Variants in CIMAP1D observed in about 807,000 individuals in gnomAD.
CIMAP1D encodes the protein protein CIMAP1D.
chr19:480,491 T>TGATGGG, the CIMAP1D span, among the ~76,000 whole-genome samples: 5 of 71,136 alleles, frequency 7.0e-5, no homozygotes, highest in East Asian at 1.7e-3. Flanking sequence ...AGGATGATGG[T>TGATGGG]AAGGATGATG....
chr19:474,876 C>A, the CIMAP1D span: 19 of 732,752 alleles, frequency 2.6e-5, no homozygotes, highest in Middle Eastern at 4.4e-4. Flanking sequence ...CTCCCACGAC[C>A]ACAGCCGCAC....
chr19:491,578 A>G, the CIMAP1D span, among the ~76,000 whole-genome samples: 3 of 151,998 alleles, frequency 2.0e-5, no homozygotes, highest in East Asian at 3.9e-4. Flanking sequence ...AAGGCGTCAG[A>G]GCAGCTGACC....
chr19:481,510 T>TGAG, the CIMAP1D span, among the ~76,000 whole-genome samples: 1 of 80,206 alleles, frequency 1.2e-5, no homozygotes. Flanking sequence ...GGAAGGATGA[T>TGAG]GGGGAAGGAT....
the CIMAP1D span, among the ~76,000 whole-genome samples, chr19:474,208 C>T: frequency 1.3e-5 from 2 of 152,198 alleles, no homozygotes; most frequent in African/African-American, 2.4e-5. Flanking sequence ...GGGCCCTCAC[C>T]GAGGCCAGCA....
chr19:480,451 AGGGGAGGATGAT>A, the CIMAP1D span, among the ~76,000 whole-genome samples: 5,042 of 115,398 alleles, frequency 0.044, 782 homozygotes, highest in African/African-American at 0.13. Flanking sequence ...GAAGGATGAT[AGGGGAGGATGAT>A]GGGAAGGATG....
At chr19:485,114 G>A in the CIMAP1D span, among the ~76,000 whole-genome samples, 1 of 151,906 alleles carries the variant, frequency 6.6e-6, no homozygotes, top group Non-Finnish European at 1.5e-5. Flanking sequence ...TCCTGGAAGG[G>A]CGGGTGCAAC....
the CIMAP1D span, among the ~76,000 whole-genome samples, chr19:481,120 T>G: frequency 2.0e-5 from 1 of 49,054 alleles, no homozygotes. Context: ...GGAGAAGGAA[T>G]GTGGGAAGGA....
the CIMAP1D span, among the ~76,000 whole-genome samples, chr19:480,334 C>T: frequency 2.6e-4 from 40 of 152,318 alleles, 1 homozygote; most frequent in African/African-American, 9.4e-4. Context: ...GGACGCGTCC[C>T]AATCAGAGCT....
the CIMAP1D span, among the ~76,000 whole-genome samples, chr19:481,696 A>G: frequency 6.6e-6 from 1 of 152,052 alleles, no homozygotes; most frequent in African/African-American, 2.4e-5. Context: ...CATCTTCACC[A>G]AGCTCATGGT....
At chr19:490,557 A>T in the CIMAP1D span, among the ~76,000 whole-genome samples, 1 of 152,230 alleles carries the variant, frequency 6.6e-6, no homozygotes, top group Non-Finnish European at 1.5e-5. Context: ...GAAATATTCA[A>T]CCTGCACTTC....
chr19:464,141 G>A, the CIMAP1D span: 777 of 484,692 alleles, frequency 1.6e-3, 6 homozygotes, highest in East Asian at 0.033. Flanking sequence ...GGGGGCGGGC[G>A]GGGGGGGTGC....
At chr19:469,066 C>T in the CIMAP1D span, among the ~76,000 whole-genome samples, 2 of 152,306 alleles carry the variant, frequency 1.3e-5, no homozygotes, top group Non-Finnish European at 1.5e-5. Context: ...TGGTCCCCAA[C>T]GCAGGCTCAC....
the CIMAP1D span, among the ~76,000 whole-genome samples, chr19:479,167 C>T: frequency 9.9e-5 from 15 of 152,224 alleles, 1 homozygote; most frequent in Admixed American, 9.2e-4. Flanking sequence ...CTGCGTCTGC[C>T]GTGCAGAAGG....
the CIMAP1D span, among the ~76,000 whole-genome samples, chr19:477,299 C>T: frequency 6.6e-6 from 1 of 152,214 alleles, no homozygotes; most frequent in Admixed American, 6.5e-5. Flanking sequence ...CTTGGCCGGG[C>T]ACTGTGGCTC....
the CIMAP1D span, among the ~76,000 whole-genome samples, chr19:474,208 C>A: frequency 3.2e-4 from 49 of 152,316 alleles, no homozygotes; most frequent in African/African-American, 1.2e-3. Context: ...GGGCCCTCAC[C>A]GAGGCCAGCA....
chr19:483,850 T>A, the CIMAP1D span, among the ~76,000 whole-genome samples: 1 of 152,086 alleles, frequency 6.6e-6, no homozygotes, highest in South Asian at 2.1e-4. Flanking sequence ...TCCCTCTACC[T>A]GTCAGCCGCC....
At chr19:467,367 G>A in the CIMAP1D span, among the ~76,000 whole-genome samples, 2 of 151,958 alleles carry the variant, frequency 1.3e-5, no homozygotes, top group African/African-American at 4.8e-5. Flanking sequence ...ATTTGCCACA[G>A]TCCCCATTCA....
the CIMAP1D span, among the ~76,000 whole-genome samples, chr19:470,000 G>A: frequency 6.6e-6 from 1 of 152,058 alleles, no homozygotes; most frequent in Non-Finnish European, 1.5e-5. Context: ...CTGGAGTTCA[G>A]TTCTTCTGGG....
the CIMAP1D span, among the ~76,000 whole-genome samples, chr19:470,802 C>G: frequency 6.6e-6 from 1 of 152,246 alleles, no homozygotes; most frequent in Admixed American, 6.5e-5. Context: ...CCTGCTGGCC[C>G]GTGGTAGCAG....
Sources: gnomAD v4.1 joint callset for allele counts (sites outside exome capture counted in the v4.1 genomes callset) on GRCh38, gnomAD v4.1.1 for gene constraint, MANE v1.5 for transcripts, NCBI Gene and HGNC (gene_info 2026-07-23, HGNC 2026-07-21) for gene names.